Variants in GATA5 observed in about 807,000 individuals in gnomAD.
GATA5 encodes the protein transcription factor GATA-5.
In GATA5, 27 loss-of-function variants were observed where a neutral mutation model predicts 35.0. The observed-to-expected ratio is 0.77, with a 90% CI of 0.57 to 1.06. The LOEUF is 1.06. Among genes scored for constraint, GATA5 ranks in the 50% least tolerant of loss-of-function variants. The pLI is 0.00. For synonymous variants in GATA5, 306 were observed against 267.8 expected (o/e 1.14, Z -1.39); for missense variants, 612 against 580.0 (o/e 1.06, Z -0.57).
intron 3 of GATA5, among the ~76,000 whole-genome samples, chr20:62,471,432 A>ATTTTTTTTTTTTTT (rs574764628): frequency 0.012 from 958 of 81,612 alleles, 149 homozygotes; most frequent in African/African-American, 0.027. Flanking sequence ...TTCAATTACA[A>ATTTTTTTTTTTTTT]TTTTTTTTTT....
At position 62,475,358 on chromosome 20, in the gene GATA5, G is replaced by A. The variant is rs1555897041; in HGVS notation, c.164C>T (p.Pro55Leu). 4.0e-6 allele frequency: 5 copies of A among 1,263,502 alleles called. No homozygotes were observed. Among genetic ancestry groups the A allele is most frequent in the East Asian group, 3.1e-5 (1 of 31,866 alleles). The allele number at this position is 1,263,502 out of a possible 1,614,324, so 78.3% of individuals were successfully genotyped here. The change falls in exon 2 of 7, where the codon CCC (proline) becomes CTC (leucine). Residue 55 changes from proline (P) to leucine (L), a missense_variant. Physicochemically the swap from Pro to Leu is moderately conservative, Grantham distance 98. Coordinates refer to ENST00000252997, the MANE Select transcript of GATA5 (RefSeq NM_080473.5). ...GCCGGGGCGCGCAGCGAGCTCGGGG[G>A]GCTGCGGGCTCGGCTCACACCCGGA... ...YLSGCEPSPQ[P>L]PELAARPGWA...
At chr20:62,475,652 C>T in intron 1 of GATA5, 110 bp from the exon 2 acceptor site, 1 of 708,996 alleles carries the variant, frequency 1.4e-6, no homozygotes, top group Non-Finnish European at 2.0e-6. Flanking sequence ...TTCCCAGTCC[C>T]CAGCCCGGGA....
At position 62,469,578 on chromosome 20, in the gene GATA5, G is replaced by A. The variant is rs964898153; in HGVS notation, c.700-3027C>T. 3.3e-5 allele frequency among the ~76,000 whole-genome samples: 5 copies of A among 152,254 alleles called. No homozygotes were observed. The South Asian group carries it at 6.2e-4, about 19-fold the overall frequency. On this transcript the variant is annotated intron_variant, in intron 3 of 6. Coordinates refer to ENST00000252997, the MANE Select transcript of GATA5 (RefSeq NM_080473.5). ...TGTGGAAAGAAACAAGGTGGGGCGC[G>A]CAGGACGTGCGTGGGTTGGGACAGC...
At chr20:62,465,969 C>T (rs376995375) in intron 4 of GATA5, 48 bp from the exon 5 acceptor site, 16 of 1,367,512 alleles carry the variant, frequency 1.2e-5, no homozygotes, top group Admixed American at 5.9e-5. Context: ...CTGCTCACCC[C>T]GGGCCCCTTG....
In GATA5 at chr20:62,464,903, G is replaced by C. The variant is rs201116843; in HGVS notation, c.1127C>G (p.Pro376Arg). 3.7e-4 allele frequency: 600 copies of C among 1,610,696 alleles called. 1 individual carries two copies. Among genetic ancestry groups the C allele is most frequent in the Non-Finnish European group, 4.5e-4 (527 of 1,178,864 alleles). ...CCCCCTGAGGCCAGCCTGGGGGCTT[G>C]GGGCCGTGGAGGGGAAGGCAAAGTC... ...PEDFAFPSTAPSPQAGLRGAL... is the reference protein window; with the variant it reads ...PEDFAFPSTARSPQAGLRGAL... Residue 376 changes from proline (P) to arginine (R), a missense_variant, in exon 7 of 7, where the codon CCA becomes CGA. Transcript: ENST00000252997.
chr20:62,472,263 C>T (rs972701271), intron 3 of GATA5, among the ~76,000 whole-genome samples: 6 of 152,150 alleles, frequency 3.9e-5, no homozygotes, highest in East Asian at 1.9e-4. Flanking sequence ...AGAGAAGTGA[C>T]GGCCGCCCCC....
In GATA5 at chr20:62,469,923, G is replaced by A. The variant is rs111338566; in HGVS notation, c.700-3372C>T. Among the ~76,000 whole-genome samples the A allele has an allele frequency of 6.3e-3, 958 of 152,276 alleles. 5 individuals carry two copies. The highest frequency in any genetic ancestry group is 0.022 in the African/African-American group (905 of 41,560). On this transcript the variant is annotated intron_variant, in intron 3 of 6. Coordinates refer to ENST00000252997, the MANE Select transcript of GATA5 (RefSeq NM_080473.5). The stretch of plus-strand genomic sequence containing the variant: ...GGGACACGCTCCCAGCAGCTTGCCC[G>A]CGCTGGGGCTCCCTGTGCCACCATA...
chr20:62,474,538 C>T (rs973646595), intron 2 of GATA5, among the ~76,000 whole-genome samples: 1 of 152,332 alleles, frequency 6.6e-6, no homozygotes, highest in South Asian at 2.1e-4. Context: ...CGGGAAGAGC[C>T]GCTCCCCTCA....
chr20:62,469,568 G>A (rs1473545152), intron 3 of GATA5, among the ~76,000 whole-genome samples: 1 of 152,270 alleles, frequency 6.6e-6, no homozygotes, highest in Non-Finnish European at 1.5e-5. Flanking sequence ...AAAGAAACAA[G>A]GTGGGGCGCG....
In GATA5 at chr20:62,465,469, A is replaced by G; in HGVS notation, c.914-5T>C. Reference sequence around the variant, plus strand: ...CCGAGGCATTCCTTGTGGATCCTGGAAGCGAAGAGGGGGTGTTTACAGAGG... The same window carrying G: ...CCGAGGCATTCCTTGTGGATCCTGGGAGCGAAGAGGGGGTGTTTACAGAGG... On this transcript the variant is annotated splice_region_variant and splice_polypyrimidine_tract_variant and intron_variant, in intron 5 of 6. Coordinates refer to ENST00000252997, the MANE Select transcript of GATA5 (RefSeq NM_080473.5). 1 of 1,605,642 alleles carries G rather than the reference A, an allele frequency of 6.2e-7. No homozygotes were observed. The highest frequency in any genetic ancestry group is 8.5e-7 in the Non-Finnish European group (1 of 1,178,774).
At position 62,467,972 on chromosome 20, in the gene GATA5, A is replaced by G. The variant is rs139144715; in HGVS notation, c.700-1421T>C. ...CCCCATCTGTTACAGCCCTCTATGA[A>G]CAGACACAGCCAGCCTCGGCTTCCC... On this transcript the variant is annotated intron_variant, in intron 3 of 6. Coordinates refer to ENST00000252997, the MANE Select transcript of GATA5 (RefSeq NM_080473.5). Among the ~76,000 whole-genome samples, 589 of 141,034 alleles carry G rather than the reference A, an allele frequency of 4.2e-3. 64 individuals are homozygous for G. Among genetic ancestry groups the G allele is most frequent in the African/African-American group, 0.015 (551 of 35,992 alleles). 92.5% of individuals were successfully genotyped at this position (141,034 alleles called of 152,430 possible). A position where few individuals can be genotyped will look rare whatever the true frequency, so the allele number is the denominator to read the frequency against.
intron 3 of GATA5, among the ~76,000 whole-genome samples, chr20:62,471,921 T>C (rs1183041661): frequency 6.7e-6 from 1 of 150,292 alleles, no homozygotes; most frequent in Non-Finnish European, 1.5e-5. Flanking sequence ...TTTTTTTAAA[T>C]TTTTAGTGGA....
chr20:62,465,490 AGAGGGGTCAG>A, intron 5 of GATA5, 26 bp from the exon 6 acceptor site: 4 of 1,597,570 alleles, frequency 2.5e-6, no homozygotes, highest in Non-Finnish European at 3.4e-6. Context: ...GGGTGTTTAC[AGAGGGGTCAG>A]GTGTGGCCTC....
chr20:62,475,841 A>C, intron 1 of GATA5, 89 bp downstream of exon 1: 6 of 202,414 alleles, frequency 3.0e-5, no homozygotes, highest in Non-Finnish European at 5.0e-5. Flanking sequence ...CGGCCGCAGG[A>C]CGCAGGGCCT....
rs1555896490 is a variant in GATA5 at position 62,471,086 on chromosome 20, TGGGGAAC to T, written c.699+2310_699+2316del. Among the ~76,000 whole-genome samples, 8 of 152,136 alleles carry T rather than the reference TGGGGAAC, an allele frequency of 5.3e-5. No homozygotes were observed. The East Asian group carries it at 1.5e-3, about 29-fold the overall frequency. ...ATGAGGAGACAAAGGCTCAAAGAGC[TGGGGAAC>T]TGTCTACGAGATGCCCCAGCCCAGG... On this transcript the variant is annotated intron_variant, in intron 3 of 6. Transcript: ENST00000252997.
chr20:62,465,694 C>T lies in GATA5; in HGVS notation c.913+140G>A, dbSNP rs529670017. 25 of 852,654 alleles carry T rather than the reference C, an allele frequency of 2.9e-5. 1 individual carries two copies. In the South Asian group the frequency reaches 3.9e-4, roughly 13 times the overall value. The allele number at this position is 852,654 out of a possible 1,614,324, so 52.8% of individuals were successfully genotyped here. On this transcript the variant is annotated intron_variant, in intron 5 of 6. Coordinates refer to ENST00000252997, the MANE Select transcript of GATA5 (RefSeq NM_080473.5). ...CACCCCACACCCCCCCCAGCAAGGTCACCACAGGGCAGAGCTGGGGGCATT... is the reference window on the plus strand; with the variant it reads ...CACCCCACACCCCCCCCAGCAAGGTTACCACAGGGCAGAGCTGGGGGCATT...
At chr20:62,471,432 A>ATATTTTTTTTTTTTTTTTTTT (rs1555896518) in intron 3 of GATA5, among the ~76,000 whole-genome samples, 1 of 81,746 alleles carries the variant, frequency 1.2e-5, no homozygotes, top group Non-Finnish European at 2.4e-5. Context: ...TTCAATTACA[A>ATATTTTTTTTTTTTTTTTTTT]TTTTTTTTTT....
chr20:62,475,077 CG>C lies in GATA5; in HGVS notation c.444del (p.Asp149ThrfsTer71). 7.1e-7 allele frequency: 1 copy of C among 1,408,898 alleles called. No individual in the cohort carries two copies. Among genetic ancestry groups the C allele is most frequent in the Non-Finnish European group, 9.3e-7 (1 of 1,077,768 alleles). 87.3% of individuals were successfully genotyped at this position (1,408,898 alleles called of 1,614,324 possible). A position where few individuals can be genotyped will look rare whatever the true frequency, so the allele number is the denominator to read the frequency against. ...CCGGCAGTCCAGGACTGGGCCACGT[CG>C]GGGCTCACGTAGGCCGGGTAGGTGG... ...YSATYPAYVS[P>X]DVAQSWTAGP... On this transcript the variant is annotated frameshift_variant, in exon 2 of 7. Transcript: ENST00000252997. LOFTEE classifies it high-confidence loss of function.
intron 3 of GATA5, among the ~76,000 whole-genome samples, chr20:62,471,347 G>A (rs183946368): frequency 1.6e-4 from 24 of 151,114 alleles, no homozygotes; most frequent in Admixed American, 1.1e-3. Context: ...GCTGGGCTGA[G>A]CTCCCTACCA....
Sources: gnomAD v4.1 joint callset for allele counts (sites outside exome capture counted in the v4.1 genomes callset) on GRCh38, gnomAD v4.1.1 for gene constraint, MANE v1.5 for transcripts, NCBI Gene and HGNC (gene_info 2026-07-23, HGNC 2026-07-21) for gene names.